Variants in SLC25A21 observed in about 807,000 individuals in gnomAD.
SLC25A21 encodes the protein solute carrier family 25 member 21.
A neutral mutation model predicts 43.8 loss-of-function variants in SLC25A21; 47 were observed. The observed-to-expected ratio is 1.07, with a 90% CI of 0.85 to 1.37. The LOEUF is 1.37. Among genes scored for constraint, SLC25A21 ranks in the 40% most tolerant of loss-of-function variants. The pLI, the probability that SLC25A21 is intolerant of heterozygous loss-of-function variation, is 0.00. For missense variants in SLC25A21, 352 were observed against 350.2 expected (o/e 1.00, Z -0.04); for synonymous variants, 131 against 121.3 (o/e 1.08, Z -0.52).
intron 1 of SLC25A21, among the ~76,000 whole-genome samples, chr14:36,926,409 AT>A (rs1272098283): frequency 6.6e-6 from 1 of 152,210 alleles, no homozygotes; most frequent in Admixed American, 6.5e-5. Flanking sequence ...AAGAAAAAAA[AT>A]GATACATTTA....
chr14:37,003,341 C>T (rs976840689), intron 1 of SLC25A21, among the ~76,000 whole-genome samples: 1 of 152,170 alleles, frequency 6.6e-6, no homozygotes, highest in African/African-American at 2.4e-5. Context: ...GTGAACGCTA[C>T]AGGCATTGTA....
chr14:36,764,196 A>AAGAAAGAAAGAAAGAAAGAAAG (rs1187804219), intron 3 of SLC25A21, among the ~76,000 whole-genome samples: 1 of 137,548 alleles, frequency 7.3e-6, no homozygotes, highest in East Asian at 2.2e-4. Context: ...AAGAAAGAGA[A>AAGAAAGAAAGAAAGAAAGAAAG]AGAAAGAAAC....
intron 3 of SLC25A21, among the ~76,000 whole-genome samples, chr14:36,739,550 C>T (rs1353181536): frequency 6.6e-6 from 1 of 151,864 alleles, no homozygotes; most frequent in East Asian, 1.9e-4. Context: ...TGGTGGTGCA[C>T]GCATGTAGTC....
chr14:36,759,290 G>A (rs1886051681), intron 3 of SLC25A21, among the ~76,000 whole-genome samples: 1 of 152,168 alleles, frequency 6.6e-6, no homozygotes, highest in Non-Finnish European at 1.5e-5. Context: ...TTGTGTGAAA[G>A]TAAGGTTGCC....
chr14:36,744,074 C>T (rs1326037093), intron 3 of SLC25A21, among the ~76,000 whole-genome samples: 2 of 152,038 alleles, frequency 1.3e-5, no homozygotes, highest in African/African-American at 2.4e-5. Flanking sequence ...CTATACTCAT[C>T]TACTGGAAGA....
chr14:36,999,569 GC>G (rs1344931605), intron 1 of SLC25A21, among the ~76,000 whole-genome samples: 1 of 152,148 alleles, frequency 6.6e-6, no homozygotes, highest in Non-Finnish European at 1.5e-5. Flanking sequence ...GTACAAGTGG[GC>G]AGGGGTGATG....
At chr14:37,145,009 T>C (rs1476180771) in intron 1 of SLC25A21, among the ~76,000 whole-genome samples, 1 of 152,074 alleles carries the variant, frequency 6.6e-6, no homozygotes, top group East Asian at 1.9e-4. Context: ...GTTTTCCCTC[T>C]CCATTAATAA....
chr14:37,100,403 C>T (rs956454207), intron 1 of SLC25A21, among the ~76,000 whole-genome samples: 2 of 152,096 alleles, frequency 1.3e-5, no homozygotes, highest in South Asian at 4.1e-4. Context: ...CTTACACATC[C>T]TTCTTTGTCC....
At chr14:36,809,013 A>G (rs1159265894) in intron 3 of SLC25A21, 1 of 152,154 alleles carries the variant, frequency 6.6e-6, no homozygotes, top group African/African-American at 2.4e-5. Flanking sequence ...TAACAAGTAC[A>G]AAAGAGACTA....
chr14:37,003,668 T>C (rs1411179622), intron 1 of SLC25A21, among the ~76,000 whole-genome samples: 2 of 152,154 alleles, frequency 1.3e-5, no homozygotes, highest in Non-Finnish European at 2.9e-5. Context: ...AAACATTATA[T>C]ACTCAAAGAT....
intron 3 of SLC25A21, among the ~76,000 whole-genome samples, chr14:36,740,623 C>T (rs1188705584): frequency 2.5e-5 from 3 of 122,236 alleles, no homozygotes; most frequent in Non-Finnish European, 3.5e-5. Context: ...CCTCATTCAA[C>T]CCCCCCACCC....
intron 1 of SLC25A21, among the ~76,000 whole-genome samples, chr14:36,929,745 T>C (rs538572688): frequency 2.0e-5 from 3 of 152,290 alleles, no homozygotes; most frequent in East Asian, 1.9e-4. Flanking sequence ...GGTGGTACTA[T>C]AGCTCGTCTC....
chr14:37,024,653 A>G (rs1461019797), intron 1 of SLC25A21, among the ~76,000 whole-genome samples: 1 of 151,920 alleles, frequency 6.6e-6, no homozygotes, highest in Non-Finnish European at 1.5e-5. Context: ...AAAAAAACAG[A>G]TCAACAGCTT....
At chr14:36,704,295 G>A (rs1258821217) in intron 7 of SLC25A21, among the ~76,000 whole-genome samples, 3 of 152,134 alleles carry the variant, frequency 2.0e-5, no homozygotes, top group Non-Finnish European at 2.9e-5. Context: ...TACGTTATCT[G>A]GACATTTCAG....
At chr14:37,103,727 T>G (rs139431055) in intron 1 of SLC25A21, among the ~76,000 whole-genome samples, 1 of 152,268 alleles carries the variant, frequency 6.6e-6, no homozygotes, top group South Asian at 2.1e-4. Context: ...CTAATCTGAC[T>G]ATCCAAAAGT....
intron 2 of SLC25A21, among the ~76,000 whole-genome samples, chr14:36,820,806 C>T (rs1428035076): frequency 6.6e-6 from 1 of 152,092 alleles, no homozygotes; most frequent in Admixed American, 6.6e-5. Flanking sequence ...TAACGAAACT[C>T]CCTGCAGAGA....
intron 3 of SLC25A21, among the ~76,000 whole-genome samples, chr14:36,737,473 T>A (rs1026289381): frequency 2.6e-5 from 4 of 152,144 alleles, no homozygotes; most frequent in African/African-American, 9.7e-5. Flanking sequence ...ACCACCATCC[T>A]GAGCTTCCAA....
intron 7 of SLC25A21, among the ~76,000 whole-genome samples, chr14:36,708,497 C>T (rs1883674580): frequency 1.3e-5 from 2 of 151,942 alleles, no homozygotes; most frequent in South Asian, 4.2e-4. Context: ...GAGTGCAGTG[C>T]CATGGTCATG....
chr14:37,004,313 T>C (rs780440136), intron 1 of SLC25A21, among the ~76,000 whole-genome samples: 2 of 152,162 alleles, frequency 1.3e-5, no homozygotes, highest in African/African-American at 4.8e-5. Context: ...TCAGTTGACA[T>C]CTATTATTTA....
Sources: gnomAD v4.1 joint callset for allele counts (sites outside exome capture counted in the v4.1 genomes callset) on GRCh38, gnomAD v4.1.1 for gene constraint, MANE v1.5 for transcripts, NCBI Gene and HGNC (gene_info 2026-07-23, HGNC 2026-07-21) for gene names.